Variants in DIS3 observed in about 807,000 individuals in gnomAD.
DIS3 encodes DIS3 exosome endoribonuclease and 3'-5' exoribonuclease, also known as exosome complex exonuclease RRP44.
In DIS3, 103 loss-of-function variants were observed where a neutral mutation model predicts 113.0. The ratio of observed to expected loss-of-function variants is 0.91; its 90% CI spans 0.78 to 1.07. The LOEUF (loss-of-function observed/expected upper bound fraction) is 1.07. DIS3 is among the 50% of genes least tolerant of loss of function. DIS3 has a pLI of 0.00. For missense variants in DIS3, 1,121 were observed against 1,167.1 expected (o/e 0.96, Z 0.58); for synonymous variants, 402 against 394.3 (o/e 1.02, Z -0.23).
At position 72,762,137 on chromosome 13, in the gene DIS3, T is replaced by A; in HGVS notation, c.2128A>T (p.Asn710Tyr). 6.2e-7 allele frequency: 1 copy of A among 1,612,674 alleles called. No homozygotes were observed. The highest frequency in any genetic ancestry group is 8.5e-7 in the Non-Finnish European group (1 of 1,179,514). Residue 710 changes from asparagine (N) to tyrosine (Y), a missense_variant and splice_region_variant, in exon 17 of 21, where the codon AAT becomes TAT. By Grantham distance (143) the Asn-to-Tyr change is moderately radical. Around this residue, in one of 3 missense-constraint regions of DIS3, gnomAD observed 861 missense variants for 915.5 expected, o/e 0.94. Transcript: ENST00000377767. Reference protein sequence around the residue: ...EILVKAARSRNLEIKTDTAKS... With the variant: ...EILVKAARSRYLEIKTDTAKS... ...GCTGTATCAGTCTTAATTTCCAAAT[T>A]CTGTAAACAAAAAGGAGGGAAGAGC...
At position 72,761,765 on chromosome 13, in the gene DIS3, C is replaced by T; in HGVS notation, c.2392G>A (p.Asp798Asn). ...TCTGTCAACTCTGGATAAGTACAGT[C>T]AGCCCCAATAGCCACAGCCAAAAGC... ...HRLLAVAIGA[D>N]CTYPELTDKH... Residue 798 changes from aspartate to asparagine, a missense_variant, in exon 18 of 21, where the codon GAC becomes AAC. Around this residue, in one of 3 missense-constraint regions of DIS3, gnomAD observed 861 missense variants for 915.5 expected, o/e 0.94. Transcript: ENST00000377767. 1 of 1,613,658 alleles carries T rather than the reference C, an allele frequency of 6.2e-7. No individual in the cohort carries two copies. The highest frequency in any genetic ancestry group is 1.1e-5 in the South Asian group (1 of 90,864).
chr13:72,775,803 C>A, intron 5 of DIS3, 122 bp downstream of exon 5: 7 of 836,078 alleles, frequency 8.4e-6, no homozygotes, highest in Non-Finnish European at 1.0e-5. Context: ...AAAAAAGTTA[C>A]TATTTGCTTT....
intron 4 of DIS3, 83 bp downstream of exon 4, chr13:72,777,337 T>G: frequency 7.2e-7 from 1 of 1,380,290 alleles, no homozygotes; most frequent in Non-Finnish European, 1.0e-6. Flanking sequence ...CATTCCAATT[T>G]TTAAATTTGG....
Position 72,775,387 on chromosome 13 carries a change from AAC to A in DIS3, c.823-14_823-13del. On this transcript the variant is annotated splice_polypyrimidine_tract_variant and intron_variant, in intron 5 of 20. Coordinates refer to ENST00000377767, the MANE Select transcript of DIS3 (RefSeq NM_014953.5). ...CCCTGTAAGATTATCTGTTTAAAAC[AAC>A]AGAGGGCACGTGCCCAAATTATTTT... 5 of 1,579,772 alleles carry A rather than the reference AAC, an allele frequency of 3.2e-6. No homozygotes were observed. The highest frequency in any genetic ancestry group is 4.3e-6 in the Non-Finnish European group (5 of 1,165,446).
Position 72,760,551 on chromosome 13 carries a change from C to T in DIS3, c.2771G>A (p.Arg924Gln), listed in dbSNP as rs762557093. The change falls in exon 20 of 21, where the codon CGA becomes CAA. Residue 924 changes from arginine (R) to glutamine (Q), a missense_variant. Around this residue, in one of 3 missense-constraint regions of DIS3, gnomAD observed 861 missense variants for 915.5 expected, o/e 0.94. Coordinates refer to ENST00000377767, the MANE Select transcript of DIS3 (RefSeq NM_014953.5). ...TACCTGTGGTTCTACCAGGGACATT[C>T]GGATCTTCTGATGTTGAAGATTAGA... Reference protein sequence around the residue: ...DSSNLQHQKIRMSLVEPQIPG... With the variant: ...DSSNLQHQKIQMSLVEPQIPG... 4.3e-6 allele frequency: 7 copies of T among 1,613,404 alleles called. No homozygotes were observed. The highest frequency in any genetic ancestry group is 2.2e-5 in the East Asian group (1 of 44,792).
At chr13:72,771,237 G>GA (rs2033879583) in intron 11 of DIS3, 92 bp from the exon 12 acceptor site, 4 of 1,024,144 alleles carry the variant, frequency 3.9e-6, no homozygotes, top group Non-Finnish European at 2.9e-6. Flanking sequence ...ATTAAACAAG[G>GA]AAAGAAAAGA....
chr13:72,767,533 T>C (rs1354113014), intron 14 of DIS3, among the ~76,000 whole-genome samples: 4 of 152,158 alleles, frequency 2.6e-5, no homozygotes, highest in Non-Finnish European at 5.9e-5. Flanking sequence ...AGTTTCATAT[T>C]TAAGATCACA....
At chr13:72,772,562 T>A (rs1715281212) in intron 9 of DIS3, 131 bp downstream of exon 9, 5 of 1,008,772 alleles carry the variant, frequency 5.0e-6, no homozygotes, top group Non-Finnish European at 7.1e-6. Context: ...TTCCTAAGAA[T>A]GCTATACCCA....
At chr13:72,763,801 C>G (rs1260315087) in intron 15 of DIS3, among the ~76,000 whole-genome samples, 194 bp from the exon 16 acceptor site, 2 of 152,158 alleles carry the variant, frequency 1.3e-5, no homozygotes, top group African/African-American at 4.8e-5. Context: ...CGCTAACAAT[C>G]TCTTATTATG....
chr13:72,768,796 CCTT>C lies in DIS3; in HGVS notation c.1869_1871del (p.Arg624del), dbSNP rs759797664. 2.4e-5 allele frequency: 39 copies of C among 1,596,050 alleles called. No individual in the cohort carries two copies. Among genetic ancestry groups the C allele is most frequent in the Non-Finnish European group, 3.3e-5 (39 of 1,171,502 alleles). ...AAAACAAAATATACCCTTTTTCAAT[CCTT>C]CTTTTCTTCAGAATTTTGGCTAGTT... is the stretch of plus-strand genomic sequence containing the variant. On this transcript the variant is annotated inframe_deletion, in exon 14 of 21. Transcript: ENST00000377767.
chr13:72,768,940 T>C lies in DIS3; in HGVS notation c.1756-28A>G, dbSNP rs184849181. On this transcript the variant is annotated intron_variant, in intron 13 of 20. Transcript: ENST00000377767. ...AAAAAAGAAAATGTATGTTATATAA[T>C]TCTTATAAATGATAGAAAAATGGTT... 13 of 1,467,510 alleles carry C rather than the reference T, an allele frequency of 8.9e-6. No homozygotes were observed. In the African/African-American group the frequency reaches 1.7e-4, roughly 19 times the overall value. The allele number at this position is 1,467,510 out of a possible 1,614,324, so 90.9% of individuals were successfully genotyped here.
At chr13:72,762,235 T>C (rs1351645843) in intron 16 of DIS3, 98 bp from the exon 17 acceptor site, 1 of 1,095,678 alleles carries the variant, frequency 9.1e-7, no homozygotes, top group Non-Finnish European at 1.3e-6. Flanking sequence ...ACAAACATCA[T>C]GTTTTTGTTA....
At chr13:72,767,309 C>T (rs577558737) in intron 14 of DIS3, among the ~76,000 whole-genome samples, 2 of 151,840 alleles carry the variant, frequency 1.3e-5, no homozygotes, top group Non-Finnish European at 1.5e-5. Flanking sequence ...GTTACAAATG[C>T]GAATTCTTAC....
rs781239856 is a variant in DIS3, at chr13:72,781,866, G to A, written c.-34C>T. On this transcript the variant is annotated 5_prime_UTR_variant, in exon 1 of 21. Coordinates refer to ENST00000377767, the MANE Select transcript of DIS3 (RefSeq NM_014953.5). ...GCCGCGCAGAATCCTAACCCCAGCA[G>A]CGCTCTTCCAGCAAAAGGCGTCAAT... The A allele has an allele frequency of 2.6e-5, 39 of 1,502,604 alleles. No homozygotes were observed. The highest frequency in any genetic ancestry group is 6.3e-5 in the South Asian group (5 of 79,474). The allele number at this position is 1,502,604 out of a possible 1,614,324, so 93.1% of individuals were successfully genotyped here.
At position 72,754,464 on chromosome 13, in the gene DIS3, C is replaced by T. The variant is rs1006207017; in HGVS notation, c.*5331G>A. ...AGCTAGAACTACAGGTGTGAACCACCTTGCCCTGCTGTTATATGCCAGTTT... is the reference window on the plus strand; with the variant it reads ...AGCTAGAACTACAGGTGTGAACCACTTTGCCCTGCTGTTATATGCCAGTTT... On this transcript the variant is annotated 3_prime_UTR_variant, in exon 21 of 21. Coordinates refer to ENST00000377767, the MANE Select transcript of DIS3 (RefSeq NM_014953.5). The T allele has an allele frequency of 4.6e-5, 7 of 152,254 alleles. No individual in the cohort carries two copies. The highest frequency in any genetic ancestry group is 1.7e-4 in the African/African-American group (7 of 41,400). The allele number at this position is 152,254 out of a possible 1,614,324, so 9.4% of individuals were successfully genotyped here.
At position 72,778,794 on chromosome 13, in the gene DIS3, A is replaced by C. The variant is rs2034085275; in HGVS notation, c.387-414T>G. ...CCTAAAAGCTACAAATAGTATAATTAGATCATTTATAATCAGAATTCTACA... is the reference window on the plus strand; with the variant it reads ...CCTAAAAGCTACAAATAGTATAATTCGATCATTTATAATCAGAATTCTACA... On this transcript the variant is annotated intron_variant, in intron 2 of 20. Coordinates refer to ENST00000377767, the MANE Select transcript of DIS3 (RefSeq NM_014953.5). 2.0e-5 allele frequency among the ~76,000 whole-genome samples: 3 copies of C among 152,242 alleles called. No individual in the cohort carries two copies. In the South Asian group the frequency reaches 6.2e-4, roughly 31 times the overall value.
intron 19 of DIS3, among the ~76,000 whole-genome samples, 161 bp from the exon 20 acceptor site, chr13:72,760,812 T>C (rs2033604824): frequency 6.6e-6 from 1 of 152,180 alleles, no homozygotes; most frequent in Non-Finnish European, 1.5e-5. Context: ...TAGTCTCATA[T>C]AAATATGACC....
chr13:72,761,319 A>G, intron 19 of DIS3, 44 bp downstream of exon 19: 1 of 1,562,588 alleles, frequency 6.4e-7, no homozygotes, highest in Non-Finnish European at 8.6e-7. Flanking sequence ...TCTCAAAGAA[A>G]AAGTGCCCCC....
At chr13:72,767,330 T>A (rs1194077704) in intron 14 of DIS3, among the ~76,000 whole-genome samples, 4 of 152,166 alleles carry the variant, frequency 2.6e-5, no homozygotes, top group Non-Finnish European at 5.9e-5. Flanking sequence ...TTTAAAACTA[T>A]TAAAATAAAT....
Sources: gnomAD v4.1 joint callset for allele counts (sites outside exome capture counted in the v4.1 genomes callset) on GRCh38, gnomAD v4.1.1 for gene constraint, gnomAD v4.1.1 regional missense constraint, MANE v1.5 for transcripts, NCBI Gene and HGNC (gene_info 2026-07-23, HGNC 2026-07-21) for gene names.